ZNF423: variants seen among roughly 807,000 people sequenced by gnomAD.
The protein encoded by ZNF423 is Ebf-associated zinc finger protein.
ZNF423 carries 12 observed loss-of-function variants against 95.8 expected under a neutral mutation model. The ratio of observed to expected loss-of-function variants is 0.13; its 90% CI spans 0.08 to 0.20. ZNF423 has a LOEUF of 0.20. ZNF423 is among the 10% of genes least tolerant of loss of function. The pLI is 1.00. For synonymous variants in ZNF423, 749 were observed against 711.9 expected (o/e 1.05, Z -0.83); for missense variants, 1,316 against 1,737.1 (o/e 0.76, Z 4.31).
At chr16:49,604,049 C>T (rs1247881745) in intron 5 of ZNF423, among the ~76,000 whole-genome samples, 3 of 152,178 alleles carry the variant, frequency 2.0e-5, no homozygotes, top group Admixed American at 6.5e-5. Flanking sequence ...CGTACGATAC[C>T]GGTGTCTGAG....
chr16:49,496,962 G>A (rs1310590702), intron 7 of ZNF423, among the ~76,000 whole-genome samples: 1 of 152,298 alleles, frequency 6.6e-6, no homozygotes, highest in Admixed American at 6.5e-5. Context: ...TGTCCAAAGG[G>A]CTGGCAAGGT....
upstream of ZNF423, among the ~76,000 whole-genome samples, chr16:49,858,720 C>CCCG (rs1555491189): frequency 8.2e-6 from 1 of 121,322 alleles, no homozygotes; most frequent in African/African-American, 3.0e-5. The surrounding 1 kb of genome is among the most constrained non-coding windows in gnomAD (Gnocchi z 4.3). Flanking sequence ...AATAGGAGCC[C>CCCG]CCCCCCCCAC....
intron 1 of ZNF423, among the ~76,000 whole-genome samples, chr16:49,814,067 T>C (rs1249415659): frequency 6.6e-6 from 1 of 152,196 alleles, no homozygotes; most frequent in East Asian, 1.9e-4. Flanking sequence ...GAAGTGACAG[T>C]TCCAGGGAAG....
At chr16:49,626,343 C>T in intron 4 of ZNF423, 89 bp from the exon 5 acceptor site, 2 of 1,261,896 alleles carry the variant, frequency 1.6e-6, no homozygotes, top group Admixed American at 3.5e-5. Flanking sequence ...TGGGTCAAGA[C>T]TTTCCAGAAT....
chr16:49,772,069 C>A (rs530701000), intron 2 of ZNF423, among the ~76,000 whole-genome samples: 13 of 152,194 alleles, frequency 8.5e-5, no homozygotes, highest in Non-Finnish European at 1.8e-4. Context: ...AAACATCCCA[C>A]CCTGTGTCAT....
intron 1 of ZNF423, among the ~76,000 whole-genome samples, chr16:49,790,644 G>A (rs149444441): frequency 1.6e-4 from 24 of 152,368 alleles, no homozygotes; most frequent in African/African-American, 5.3e-4. Context: ...GCCACCTTGC[G>A]AGTGGAGCAA....
intron 6 of ZNF423, among the ~76,000 whole-genome samples, chr16:49,524,358 G>C (rs951572415): frequency 6.6e-6 from 1 of 152,140 alleles, no homozygotes; most frequent in African/African-American, 2.4e-5. Flanking sequence ...CAGCATCCTC[G>C]GGCCCCCACA....
intron 1 of ZNF423, among the ~76,000 whole-genome samples, chr16:49,819,557 C>G (rs1419420305): frequency 6.6e-6 from 1 of 151,962 alleles, no homozygotes; most frequent in East Asian, 2.0e-4. Flanking sequence ...AAGCGATTCT[C>G]CCTGCCTCAG....
intron 1 of ZNF423, among the ~76,000 whole-genome samples, chr16:49,811,378 T>C (rs2143959805): frequency 1.3e-5 from 2 of 151,996 alleles, no homozygotes; most frequent in South Asian, 4.2e-4. Context: ...AATAGGTAGG[T>C]ACCAGAAATA....
At chr16:49,852,586 C>A (rs924669046) in intron 1 of ZNF423, among the ~76,000 whole-genome samples, 1 of 151,972 alleles carries the variant, frequency 6.6e-6, no homozygotes, top group African/African-American at 2.4e-5. Context: ...TCAAAGAGAA[C>A]AAATCACTGC....
chr16:49,689,905 C>CTA (rs1352824122), intron 3 of ZNF423, among the ~76,000 whole-genome samples: 1 of 152,176 alleles, frequency 6.6e-6, no homozygotes, highest in Non-Finnish European at 1.5e-5. Flanking sequence ...AGTGACCCAG[C>CTA]TCTGCCACCA....
intron 2 of ZNF423, among the ~76,000 whole-genome samples, chr16:49,784,640 G>A (rs2034280235): frequency 6.6e-6 from 1 of 152,164 alleles, no homozygotes; most frequent in Middle Eastern, 3.2e-3. Context: ...TCCAGAATAG[G>A]CAAGTCTACA....
At chr16:49,759,390 C>G (rs886180432) in intron 2 of ZNF423, among the ~76,000 whole-genome samples, 2 of 150,476 alleles carry the variant, frequency 1.3e-5, no homozygotes, top group Non-Finnish European at 3.0e-5. Context: ...CAGGGCGAGA[C>G]GCCACCTCAG....
At chr16:49,530,642 C>A (rs904076186) in intron 5 of ZNF423, among the ~76,000 whole-genome samples, 1 of 152,176 alleles carries the variant, frequency 6.6e-6, no homozygotes, top group Non-Finnish European at 1.5e-5. Context: ...CATCACTATG[C>A]ACCCATGGTC....
intron 3 of ZNF423, among the ~76,000 whole-genome samples, chr16:49,644,712 A>T (rs1973113970): frequency 7.3e-6 from 1 of 137,780 alleles, no homozygotes. Flanking sequence ...GAGCCTACAG[A>T]GGGAACAAGA....
At chr16:49,844,693 A>G (rs990900647) in intron 1 of ZNF423, among the ~76,000 whole-genome samples, 14 of 152,158 alleles carry the variant, frequency 9.2e-5, no homozygotes, top group African/African-American at 3.4e-4. Context: ...ATTCATATTT[A>G]TTCCCCATTC....
At chr16:49,620,098 CTCTG>C (rs927929155) in intron 5 of ZNF423, among the ~76,000 whole-genome samples, 16 of 151,936 alleles carry the variant, frequency 1.1e-4, no homozygotes, top group African/African-American at 3.9e-4. Context: ...AAAACCCTCT[CTCTG>C]TCTGTCTCCC....
rs989234689 is a variant in ZNF423 at position 49,637,301 on chromosome 16, C to A, written c.1875G>T (p.Arg625=). The A allele has an allele frequency of 2.5e-6, 4 of 1,614,082 alleles. No individual in the cohort carries two copies. The African/African-American group carries it at 4.0e-5, about 16-fold the overall frequency. ...AGTTGGCGCTTGCTGAGAGCCGCTG[C>A]CGCTTCGGGGAAGACACCTCCACAT... is the stretch of plus-strand genomic sequence containing the variant. The part of the protein sequence containing the change: ...SSDVEVSSPK[R]QRLSASANSI... Residue 625 remains arginine, a synonymous_variant, in exon 4 of 8, where the codon CGG becomes CGT. Transcript: ENST00000563137. The surrounding 1 kb of genome is among the most constrained non-coding windows in gnomAD (Gnocchi z 5.6).
intron 1 of ZNF423, among the ~76,000 whole-genome samples, chr16:49,815,910 A>T (rs1239572431): frequency 4.7e-4 from 19 of 40,556 alleles, no homozygotes; most frequent in East Asian, 1.2e-3. Flanking sequence ...ATATATATAT[A>T]TATATTTTTT....
Sources: gnomAD v4.1 joint callset for allele counts (sites outside exome capture counted in the v4.1 genomes callset) on GRCh38, gnomAD v4.1.1 for gene constraint, Gnocchi (gnomAD v3.1) non-coding constraint, MANE v1.5 for transcripts, NCBI Gene and HGNC (gene_info 2026-07-23, HGNC 2026-07-21) for gene names.